The following ESR1 variants were observed in gnomAD, a reference collection of about 807,000 sequenced individuals.
ESR1 encodes the protein estrogen receptor.
Under a neutral mutation model 52.7 loss-of-function variants are expected in ESR1, and 12 were observed. The observed-to-expected ratio is 0.23, with a 90% CI of 0.15 to 0.37. The LOEUF is 0.37. Ranked by LOEUF, ESR1 falls within the 10% of genes least tolerant of loss-of-function variation. The pLI is 1.00. For synonymous variants in ESR1, 305 were observed against 316.8 expected, an observed-to-expected ratio of 0.96 and a Z score of 0.39; for missense variants, 584 against 779.7, an observed-to-expected ratio of 0.75 and a Z score of 2.99.
chr6:151,896,819 G>C (rs748501073), intron 3 of ESR1, among the ~76,000 whole-genome samples: 4 of 151,920 alleles, frequency 2.6e-5, no homozygotes, highest in Admixed American at 1.3e-4. Flanking sequence ...AGGCATTTAA[G>C]GCTGTGAACT....
Position 151,716,349 on chromosome 6 carries a change from C to G in ESR1, c.-71+14344C>G, listed in dbSNP as rs542239833. 1.1e-3 allele frequency among the ~76,000 whole-genome samples: 167 copies of G among 152,276 alleles called. 1 individual carries two copies. The highest frequency in any genetic ancestry group is 3.9e-3 in the African/African-American group (164 of 41,570). On this transcript the variant is annotated intron_variant, in intron 2 of 2. Coordinates refer to the ESR1 transcript ENST00000404742. The stretch of plus-strand genomic sequence containing the variant: ...GCAGGTAGTCTGTCCCTTAGCAGAG[C>G]TCAAATATTGTGCTGGGGGATCCGT...
At chr6:151,675,970 T>G (rs1158439021) in intron 1 of ESR1, among the ~76,000 whole-genome samples, 2 of 152,188 alleles carry the variant, frequency 1.3e-5, no homozygotes, top group Admixed American at 6.5e-5. Flanking sequence ...TGCCTGCAGA[T>G]TCCAAGGCAC....
Position 151,956,867 on chromosome 6 carries a change from T to TATATATATAA in ESR1, c.1096+12368_1096+12369insAATATATATA, listed in dbSNP as rs1562594396. On this transcript the variant is annotated intron_variant, in intron 4 of 7. Transcript: ENST00000206249. ...AAATATATATATATATATATAAATA[T>TATATATATAA]ATATATATATATAAAATTTTTTTTT... 1.8e-3 allele frequency among the ~76,000 whole-genome samples: 154 copies of TATATATATAA among 86,022 alleles called. 1 individual carries two copies. Among genetic ancestry groups the TATATATATAA allele is most frequent in the East Asian group, 0.012 (45 of 3,882 alleles). The allele number at this position is 86,022 out of a possible 152,430, so 56.4% of individuals were successfully genotyped here.
At chr6:152,034,652 A>G (rs973163568) in intron 5 of ESR1, among the ~76,000 whole-genome samples, 1 of 152,134 alleles carries the variant, frequency 6.6e-6, no homozygotes, top group Non-Finnish European at 1.5e-5. Flanking sequence ...CTTTCCAAGC[A>G]TTGACCAGAT....
chr6:152,050,069 A>G (rs1156341257), intron 5 of ESR1, among the ~76,000 whole-genome samples: 2 of 152,224 alleles, frequency 1.3e-5, no homozygotes, highest in Non-Finnish European at 2.9e-5. Flanking sequence ...TTCCTTTCAT[A>G]GATTCCTTTA....
intron 5 of ESR1, among the ~76,000 whole-genome samples, chr6:152,040,406 G>T (rs939163018): frequency 3.9e-5 from 6 of 152,160 alleles, no homozygotes; most frequent in Non-Finnish European, 8.8e-5. Context: ...CTTTTGGTGA[G>T]CACTCACATG....
chr6:151,787,424 T>C (rs1394088073), intron 2 of ESR1, among the ~76,000 whole-genome samples: 1 of 152,242 alleles, frequency 6.6e-6, no homozygotes, highest in Non-Finnish European at 1.5e-5. Context: ...AATCTATAAG[T>C]TGCTTTGAGC....
intron 4 of ESR1, among the ~76,000 whole-genome samples, chr6:151,967,966 G>A (rs2038463873): frequency 6.6e-6 from 1 of 152,028 alleles, no homozygotes; most frequent in Non-Finnish European, 1.5e-5. Context: ...ATGTTTGTTG[G>A]CCTCACAAAT....
chr6:151,951,893 A>G (rs978392011), intron 4 of ESR1, among the ~76,000 whole-genome samples: 1 of 152,100 alleles, frequency 6.6e-6, no homozygotes, highest in South Asian at 2.1e-4. Flanking sequence ...TCCTCATTCA[A>G]CAGTGGAATC....
At chr6:151,919,148 T>C (rs1432937871) in intron 3 of ESR1, among the ~76,000 whole-genome samples, 1 of 152,178 alleles carries the variant, frequency 6.6e-6, no homozygotes, top group Non-Finnish European at 1.5e-5. Flanking sequence ...GTGTAACAGA[T>C]ATTCTGGACA....
chr6:152,104,846 G>A (rs2051043595), downstream of ESR1, among the ~76,000 whole-genome samples: 1 of 152,168 alleles, frequency 6.6e-6, no homozygotes, highest in African/African-American at 2.4e-5. Context: ...GGCATTAAAG[G>A]GTTGGAACTT....
At chr6:151,670,078 G>A (rs1248515106) in intron 1 of ESR1, among the ~76,000 whole-genome samples, 1 of 152,158 alleles carries the variant, frequency 6.6e-6, no homozygotes, top group African/African-American at 2.4e-5. Flanking sequence ...ACCAGGGCCA[G>A]CCTCTGGCCT....
chr6:151,842,861 G>A (rs2128235227), intron 2 of ESR1, 74 bp downstream of exon 2: 2 of 1,306,344 alleles, frequency 1.5e-6, no homozygotes, highest in Non-Finnish European at 2.2e-6. Context: ...GACTGAGGAA[G>A]GAAGACATAG....
chr6:151,798,086 C>T (rs1438618965), intron 2 of ESR1, among the ~76,000 whole-genome samples: 2 of 152,100 alleles, frequency 1.3e-5, no homozygotes, highest in South Asian at 4.1e-4. Context: ...AAAGCGAGGC[C>T]TGAGAAGGCT....
chr6:151,705,784 C>T (rs1360246889), intron 2 of ESR1, among the ~76,000 whole-genome samples: 1 of 152,076 alleles, frequency 6.6e-6, no homozygotes, highest in Non-Finnish European at 1.5e-5. Context: ...GCCTTTATGT[C>T]AGGTGGCAAG....
chr6:151,932,946 T>A (rs1287509953), intron 3 of ESR1, among the ~76,000 whole-genome samples: 1 of 151,444 alleles, frequency 6.6e-6, no homozygotes, highest in Admixed American at 6.6e-5. Flanking sequence ...GGCTCTTTTT[T>A]GGTTCCATAT....
chr6:151,704,789 C>A (rs981085263), intron 2 of ESR1, among the ~76,000 whole-genome samples: 3 of 152,014 alleles, frequency 2.0e-5, no homozygotes, highest in African/African-American at 7.2e-5. Flanking sequence ...TCTAGGAAAG[C>A]GAACTAAGGC....
rs77127686 is a variant in ESR1, at chr6:151,730,032, A to C, written c.-71+28027A>C. On this transcript the variant is annotated intron_variant, in intron 2 of 2. Coordinates refer to the ESR1 transcript ENST00000404742. ...TCTGAATTGTGCCCTAAAGCTAGTC[A>C]TTGCTTCCTTCTTGGTTTCTGCTAC... Among the ~76,000 whole-genome samples the C allele has an allele frequency of 3.8e-3, 579 of 152,208 alleles. 4 individuals carry two copies. Among genetic ancestry groups the C allele is most frequent in the African/African-American group, 0.013 (554 of 41,530 alleles).
At chr6:151,771,525 T>C (rs963786421) in intron 2 of ESR1, among the ~76,000 whole-genome samples, 2 of 152,134 alleles carry the variant, frequency 1.3e-5, no homozygotes, top group Non-Finnish European at 2.9e-5. Flanking sequence ...TCACCACTGA[T>C]CAAAAAATAA....
Sources: gnomAD v4.1 joint callset for allele counts (sites outside exome capture counted in the v4.1 genomes callset) on GRCh38, gnomAD v4.1.1 for gene constraint, MANE v1.5 for transcripts, NCBI Gene and HGNC (gene_info 2026-07-23, HGNC 2026-07-21) for gene names.